SORCS2: variants seen among roughly 807,000 people sequenced by gnomAD.
The protein encoded by SORCS2 is VPS10 domain-containing receptor SorCS2.
In SORCS2, 100 loss-of-function variants were observed where a neutral mutation model predicts 141.6. The ratio of observed to expected loss-of-function variants is 0.71; its 90% CI spans 0.60 to 0.83. SORCS2 has a LOEUF of 0.83. Ranked by LOEUF, SORCS2 falls within the 40% of genes least tolerant of loss-of-function variation. The probability of loss-of-function intolerance (pLI) is 0.00; values close to 1 mark genes in which losing one functional copy is unlikely to be tolerated. For missense variants in SORCS2, 1,646 were observed against 1,560.2 expected, an observed-to-expected ratio of 1.05 and a Z score of -0.93; for synonymous variants, 789 against 676.9, an observed-to-expected ratio of 1.17 and a Z score of -2.57.
chr4:7,545,702 A>G (rs1166548965), intron 3 of SORCS2, among the ~76,000 whole-genome samples: 3 of 151,780 alleles, frequency 2.0e-5, no homozygotes, highest in African/African-American at 7.3e-5. Context: ...CTCACCCCAC[A>G]GGCCCTGGAG....
intron 2 of SORCS2, among the ~76,000 whole-genome samples, chr4:7,486,093 A>T (rs1730962712): frequency 6.6e-6 from 1 of 152,168 alleles, no homozygotes; most frequent in African/African-American, 2.4e-5. Flanking sequence ...TCCAGACTGA[A>T]GCGTCCCTTT....
At chr4:7,271,517 A>G (rs1379210200) in intron 1 of SORCS2, among the ~76,000 whole-genome samples, 3 of 152,128 alleles carry the variant, frequency 2.0e-5, no homozygotes, top group Non-Finnish European at 1.5e-5. Flanking sequence ...AGGCCTCCCC[A>G]GCTACTCATC....
intron 2 of SORCS2, among the ~76,000 whole-genome samples, chr4:7,455,439 G>C (rs1728831931): frequency 2.1e-5 from 3 of 142,646 alleles, no homozygotes; most frequent in Admixed American, 2.1e-4. Flanking sequence ...GCTGTGTGTT[G>C]GGGTCAGGAG....
rs1470691140 is a variant in SORCS2 at position 7,373,478 on chromosome 4, A to ATATTTTT, written c.481-22809_481-22808insATTTTTT. Among the ~76,000 whole-genome samples, 10 of 36,818 alleles carry ATATTTTT rather than the reference A, an allele frequency of 2.7e-4. 1 individual carries two copies. The highest frequency in any genetic ancestry group is 4.8e-4 in the African/African-American group (3 of 6,272). The allele number at this position is 36,818 out of a possible 152,430, so 24.2% of individuals were successfully genotyped here. ...AACTTTTATATATATATATATATAT[A>ATATTTTT]TTTTTTTTTTTTTTTTTTTTTTTTT... On this transcript the variant is annotated intron_variant, in intron 1 of 26. Transcript: ENST00000507866.
At chr4:7,392,167 C>T (rs1723907818) in intron 1 of SORCS2, among the ~76,000 whole-genome samples, 1 of 152,224 alleles carries the variant, frequency 6.6e-6, no homozygotes. Flanking sequence ...CTGTGGAACT[C>T]CTCGTGTGGG....
At chr4:7,485,330 C>T (rs984617466) in intron 2 of SORCS2, among the ~76,000 whole-genome samples, 1 of 152,226 alleles carries the variant, frequency 6.6e-6, no homozygotes, top group Non-Finnish European at 1.5e-5. Context: ...AGTTCCCAGG[C>T]AGAGCCCCTG....
chr4:7,480,529 C>T (rs1407558973), intron 2 of SORCS2, among the ~76,000 whole-genome samples: 1 of 152,202 alleles, frequency 6.6e-6, no homozygotes, highest in Admixed American at 6.5e-5. Flanking sequence ...TCAGAACAGG[C>T]ACCCGCCAAG....
chr4:7,220,881 G>T (rs1728661535), intron 1 of SORCS2, among the ~76,000 whole-genome samples: 1 of 152,132 alleles, frequency 6.6e-6, no homozygotes, highest in African/African-American at 2.4e-5. Context: ...CTGTCTCCAG[G>T]TTGCCATAGA....
chr4:7,425,246 C>A (rs1265679901), intron 2 of SORCS2, among the ~76,000 whole-genome samples: 1 of 152,210 alleles, frequency 6.6e-6, no homozygotes, highest in African/African-American at 2.4e-5. Context: ...GTGGGGTGAC[C>A]TTCGGCTCCA....
intron 2 of SORCS2, among the ~76,000 whole-genome samples, chr4:7,449,785 C>T (rs1014596816): frequency 4.6e-5 from 7 of 152,096 alleles, no homozygotes; most frequent in African/African-American, 7.2e-5. Context: ...CCAGTGTTCC[C>T]GGAATCCAAT....
At chr4:7,543,759 CCCACCCATCCGTCCAT>C (rs1712950501) in intron 3 of SORCS2, among the ~76,000 whole-genome samples, 3 of 36,562 alleles carry the variant, frequency 8.2e-5, no homozygotes, top group East Asian at 1.1e-3. Flanking sequence ...CACCCATCCA[CCCACCCATCCGTCCAT>C]CCATCCACTC....
chr4:7,680,926 C>G (rs143931692), intron 9 of SORCS2, among the ~76,000 whole-genome samples: 10 of 152,228 alleles, frequency 6.6e-5, no homozygotes, highest in African/African-American at 2.2e-4. Flanking sequence ...CACTTTGAAA[C>G]AGATAATTTG....
intron 3 of SORCS2, among the ~76,000 whole-genome samples, chr4:7,538,531 T>G (rs950778719): frequency 2.7e-4 from 41 of 152,182 alleles, no homozygotes; most frequent in African/African-American, 9.6e-4. Flanking sequence ...TATGAAAAAT[T>G]TATGTGAATG....
chr4:7,306,553 T>C (rs1717846483), intron 1 of SORCS2, among the ~76,000 whole-genome samples: 1 of 152,144 alleles, frequency 6.6e-6, no homozygotes, highest in Admixed American at 6.5e-5. Flanking sequence ...TGTAAACTGT[T>C]GTCTAAGCGA....
intron 1 of SORCS2, among the ~76,000 whole-genome samples, chr4:7,336,446 C>T (rs1324485785): frequency 1.3e-5 from 2 of 151,020 alleles, no homozygotes; most frequent in Non-Finnish European, 2.9e-5. Context: ...ACTCTTGTCT[C>T]CAAGGATGGG....
intron 2 of SORCS2, among the ~76,000 whole-genome samples, chr4:7,461,540 C>A (rs1729312298): frequency 6.6e-6 from 1 of 152,232 alleles, no homozygotes; most frequent in Non-Finnish European, 1.5e-5. Flanking sequence ...ATGCACGTGA[C>A]AAAATCACAT....
chr4:7,672,956 G>A (rs1279199092), intron 8 of SORCS2, among the ~76,000 whole-genome samples: 2 of 152,158 alleles, frequency 1.3e-5, no homozygotes, highest in Non-Finnish European at 2.9e-5. Context: ...TATTGGCAAC[G>A]TTGGTGTTTC....
At chr4:7,606,455 T>G (rs1048469166) in intron 3 of SORCS2, among the ~76,000 whole-genome samples, 1 of 152,158 alleles carries the variant, frequency 6.6e-6, no homozygotes, top group Non-Finnish European at 1.5e-5. Context: ...TCCTTGTCCT[T>G]CGTTTCTGCT....
chr4:7,273,953 G>A (rs1479874155), intron 1 of SORCS2, among the ~76,000 whole-genome samples: 1 of 152,204 alleles, frequency 6.6e-6, no homozygotes. Flanking sequence ...AGACAATGTG[G>A]CCTCCGCACA....
Sources: allele counts gnomAD v4.1 joint callset (sites outside exome capture counted in the v4.1 genomes callset), GRCh38; gene constraint gnomAD v4.1.1; transcripts MANE v1.5; gene names NCBI Gene and HGNC (gene_info 2026-07-23, HGNC 2026-07-21).